CNTNAP2: variants seen among roughly 807,000 people sequenced by gnomAD.
CNTNAP2 encodes contactin associated protein 2.
A neutral mutation model predicts 155.2 loss-of-function variants in CNTNAP2; 98 were observed. The observed-to-expected ratio is 0.63, with a 90% CI of 0.54 to 0.75. CNTNAP2 has a LOEUF of 0.75. Ranked by LOEUF, CNTNAP2 falls within the 30% of genes least tolerant of loss-of-function variation. The pLI is 0.00. For synonymous variants in CNTNAP2, 651 were observed against 631.2 expected, an observed-to-expected ratio of 1.03 and a Z score of -0.47; for missense variants, 1,727 against 1,688.1, an observed-to-expected ratio of 1.02 and a Z score of -0.40.
intron 15 of CNTNAP2, among the ~76,000 whole-genome samples, chr7:148,097,364 CATAAAAA>C (rs1184607954): frequency 8.0e-6 from 1 of 124,642 alleles, no homozygotes; most frequent in Non-Finnish European, 1.6e-5. Flanking sequence ...AAAAAAAAAC[CATAAAAA>C]ATAAAAATAA....
chr7:147,790,444 T>C (rs531405998), intron 13 of CNTNAP2, among the ~76,000 whole-genome samples: 1 of 152,312 alleles, frequency 6.6e-6, no homozygotes, highest in Non-Finnish European at 1.5e-5. Flanking sequence ...TTCCTATAAT[T>C]TGATTTTTAA....
At chr7:146,190,607 A>G (rs1378947820) in intron 1 of CNTNAP2, among the ~76,000 whole-genome samples, 1 of 152,150 alleles carries the variant, frequency 6.6e-6, no homozygotes, top group African/African-American at 2.4e-5. Context: ...TACAATCAGG[A>G]TTGATGCATT....
chr7:146,455,879 C>A (rs997874187), intron 1 of CNTNAP2, among the ~76,000 whole-genome samples: 3 of 151,964 alleles, frequency 2.0e-5, no homozygotes. Flanking sequence ...ATTTAAAAAT[C>A]GTACAAGAGT....
intron 9 of CNTNAP2, among the ~76,000 whole-genome samples, chr7:147,358,879 G>A (rs907930881): frequency 2.0e-5 from 3 of 151,990 alleles, no homozygotes; most frequent in Non-Finnish European, 4.4e-5. Flanking sequence ...ATTTGTTAAA[G>A]CTGTTTACTC....
At chr7:147,788,258 C>G (rs1426396462) in intron 13 of CNTNAP2, among the ~76,000 whole-genome samples, 1 of 152,212 alleles carries the variant, frequency 6.6e-6, no homozygotes, top group Non-Finnish European at 1.5e-5. Context: ...GAATCCTAAA[C>G]TGTCCTAGTC....
intron 13 of CNTNAP2, among the ~76,000 whole-genome samples, chr7:147,765,424 A>G (rs1351621396): frequency 1.3e-5 from 2 of 152,180 alleles, no homozygotes; most frequent in African/African-American, 2.4e-5. Context: ...TGCTTTGTCC[A>G]TTGTTAAATC....
At chr7:146,671,429 T>TCACACACACA (rs147594471) in intron 1 of CNTNAP2, among the ~76,000 whole-genome samples, 3,590 of 147,786 alleles carry the variant, frequency 0.024, 39 homozygotes, top group South Asian at 0.035. Flanking sequence ...TTTTTGTCAC[T>TCACACACACA]CACACACACA....
At chr7:148,129,142 A>C (rs1457254465) in intron 16 of CNTNAP2, among the ~76,000 whole-genome samples, 2 of 152,188 alleles carry the variant, frequency 1.3e-5, no homozygotes, top group Admixed American at 6.5e-5. Flanking sequence ...TTTGGAAACC[A>C]GCTGAAGTCC....
At chr7:146,778,963 G>A (rs55779701) in intron 2 of CNTNAP2, among the ~76,000 whole-genome samples, 4 of 152,106 alleles carry the variant, frequency 2.6e-5, no homozygotes, top group Non-Finnish European at 4.4e-5. Context: ...ACCTGACATC[G>A]TTTTGGGAAC....
chr7:147,242,410 C>T (rs1309837803), intron 8 of CNTNAP2, among the ~76,000 whole-genome samples: 3 of 152,180 alleles, frequency 2.0e-5, no homozygotes, highest in Non-Finnish European at 4.4e-5. Context: ...CCCGCTTCTT[C>T]TTTACATGTG....
intron 13 of CNTNAP2, among the ~76,000 whole-genome samples, chr7:147,765,489 T>A (rs1251774864): frequency 9.9e-5 from 15 of 152,170 alleles, no homozygotes; most frequent in Non-Finnish European, 2.9e-5. Context: ...AAGCACTCAG[T>A]GTCATGAGTC....
chr7:146,237,990 C>G (rs1354188169), intron 1 of CNTNAP2, among the ~76,000 whole-genome samples: 1 of 152,108 alleles, frequency 6.6e-6, no homozygotes. Flanking sequence ...AAATATCTGT[C>G]TTTGTTCCAA....
At chr7:146,774,222 T>C in intron 1 of CNTNAP2, 49 bp from the exon 2 acceptor site, 1 of 1,344,758 alleles carries the variant, frequency 7.4e-7, no homozygotes, top group Non-Finnish European at 1.1e-6. Context: ...AATCGTTATT[T>C]CGAAATCGTT....
intron 3 of CNTNAP2, among the ~76,000 whole-genome samples, chr7:146,844,508 TAG>T (rs66791103): frequency 4.6e-5 from 7 of 151,498 alleles, no homozygotes; most frequent in Non-Finnish European, 7.4e-5. Flanking sequence ...TATAATCTGT[TAG>T]AGAGAGAGAG....
intron 8 of CNTNAP2, among the ~76,000 whole-genome samples, chr7:147,168,081 A>G (rs1014769850): frequency 1.3e-5 from 2 of 148,770 alleles, no homozygotes; most frequent in Non-Finnish European, 3.0e-5. Context: ...ATTTATACAT[A>G]TATATGACAC....
rs374972144 is a variant in CNTNAP2, at chr7:147,949,440, G to GTGTATATATA, written c.2256-28421_2256-28420insGTATATATAT. 6.8e-4 allele frequency among the ~76,000 whole-genome samples: 86 copies of GTGTATATATA among 127,380 alleles called. 1 individual carries two copies. The highest frequency in any genetic ancestry group is 2.2e-3 in the African/African-American group (80 of 36,532). 83.6% of individuals were successfully genotyped at this position (127,380 alleles called of 152,430 possible). A position where few individuals can be genotyped will look rare whatever the true frequency, so the allele number is the denominator to read the frequency against. On this transcript the variant is annotated intron_variant, in intron 14 of 23. Transcript: ENST00000361727. ...TGTGTTGTTCAAGGATCAACTGTGT[G>GTGTATATATA]TATATATATATATATATATTTTTTT...
At chr7:147,448,484 G>GTATATATATATATATATATATA (rs10683190) in intron 10 of CNTNAP2, among the ~76,000 whole-genome samples, 37 of 143,420 alleles carry the variant, frequency 2.6e-4, no homozygotes, top group Admixed American at 1.5e-3. Context: ...GTGTGTGTGT[G>GTATATATATATATATATATATA]TATATATATA....
At chr7:147,526,334 G>A (rs1562980898) in intron 11 of CNTNAP2, among the ~76,000 whole-genome samples, 1 of 152,118 alleles carries the variant, frequency 6.6e-6, no homozygotes, top group Non-Finnish European at 1.5e-5. Context: ...TTCTCTTGTG[G>A]ACTAAGGAGG....
At chr7:147,199,742 C>T (rs1043220771) in intron 8 of CNTNAP2, among the ~76,000 whole-genome samples, 2 of 151,756 alleles carry the variant, frequency 1.3e-5, no homozygotes, top group African/African-American at 4.8e-5. Context: ...TGGCATGCTT[C>T]CTTGAGAAAA....
Sources: gnomAD v4.1 joint callset for allele counts (sites outside exome capture counted in the v4.1 genomes callset) on GRCh38, gnomAD v4.1.1 for gene constraint, MANE v1.5 for transcripts, NCBI Gene and HGNC (gene_info 2026-07-23, HGNC 2026-07-21) for gene names.